Variants in CMSS1 observed in about 807,000 individuals in gnomAD.
CMSS1 encodes protein CMSS1.
A neutral mutation model predicts 43.5 loss-of-function variants in CMSS1; 33 were observed. The ratio of observed to expected loss-of-function variants is 0.76; its 90% CI spans 0.57 to 1.01. The LOEUF (loss-of-function observed/expected upper bound fraction) is 1.01. Among genes scored for constraint, CMSS1 ranks in the 50% least tolerant of loss-of-function variants. The pLI is 0.00. For synonymous variants in CMSS1, 115 were observed against 117.2 expected (o/e 0.98, Z 0.12); for missense variants, 313 against 326.4 (o/e 0.96, Z 0.32).
At chr3:99,913,058 C>A (rs561149872) in intron 1 of CMSS1, among the ~76,000 whole-genome samples, 10 of 152,058 alleles carry the variant, frequency 6.6e-5, no homozygotes, top group Non-Finnish European at 8.8e-5. Context: ...ACTTTCTCAC[C>A]CACTTTCCAC....
At chr3:99,944,262 C>G (rs182934874) in intron 1 of CMSS1, among the ~76,000 whole-genome samples, 3 of 152,240 alleles carry the variant, frequency 2.0e-5, no homozygotes, top group Admixed American at 2.0e-4. Flanking sequence ...TGGCCAAGAA[C>G]CAGTGCTTGT....
At chr3:100,068,440 T>C (rs2065704917) in intron 1 of CMSS1, among the ~76,000 whole-genome samples, 1 of 152,148 alleles carries the variant, frequency 6.6e-6, no homozygotes, top group South Asian at 2.1e-4. Context: ...AAACATCATC[T>C]GAACTAACAC....
intron 1 of CMSS1, among the ~76,000 whole-genome samples, chr3:99,981,769 G>A (rs990507251): frequency 1.4e-4 from 22 of 152,128 alleles, no homozygotes; most frequent in African/African-American, 5.3e-4. Flanking sequence ...CCCAAAAGAG[G>A]AAGAAATATG....
At chr3:99,958,792 C>T (rs1422399978) in intron 1 of CMSS1, among the ~76,000 whole-genome samples, 1 of 152,118 alleles carries the variant, frequency 6.6e-6, no homozygotes, top group Non-Finnish European at 1.5e-5. Flanking sequence ...TGTAGTGGAA[C>T]AGGCAGAGAA....
chr3:100,028,507 C>T (rs536324196), intron 1 of CMSS1, among the ~76,000 whole-genome samples: 9 of 152,148 alleles, frequency 5.9e-5, no homozygotes, highest in Non-Finnish European at 1.2e-4. Context: ...ATTTAATTCA[C>T]GTTGGAGAAT....
chr3:100,170,592 C>G (rs2067102235), intron 6 of CMSS1, among the ~76,000 whole-genome samples: 1 of 152,190 alleles, frequency 6.6e-6, no homozygotes. Flanking sequence ...TAGTTTTCCC[C>G]TCTGTGACAT....
At chr3:99,900,815 C>T (rs559083377) in intron 1 of CMSS1, among the ~76,000 whole-genome samples, 3 of 152,226 alleles carry the variant, frequency 2.0e-5, no homozygotes, top group Admixed American at 2.0e-4. Flanking sequence ...TTGATGTGCC[C>T]CGGTTATCAG....
chr3:99,935,190 G>A (rs1707622264), intron 1 of CMSS1, among the ~76,000 whole-genome samples: 1 of 151,580 alleles, frequency 6.6e-6, no homozygotes, highest in Non-Finnish European at 1.5e-5. Flanking sequence ...ATGCATCTGT[G>A]CTTGGCCCAG....
intron 1 of CMSS1, chr3:100,114,837 A>G (rs2066543636): frequency 1.5e-6 from 1 of 683,690 alleles, no homozygotes; most frequent in East Asian, 2.9e-5. Context: ...CAAGGGCATG[A>G]CCCCTTCTTT....
chr3:100,047,563 C>T (rs1393566523), intron 1 of CMSS1, among the ~76,000 whole-genome samples: 1 of 152,200 alleles, frequency 6.6e-6, no homozygotes, highest in Non-Finnish European at 1.5e-5. Context: ...AAATAAAACA[C>T]TGGTATTACC....
At chr3:99,937,730 T>C (rs1248448393) in intron 1 of CMSS1, among the ~76,000 whole-genome samples, 1 of 152,152 alleles carries the variant, frequency 6.6e-6, no homozygotes, top group African/African-American at 2.4e-5. Context: ...GCTGGTTGGC[T>C]CTGAATAGGA....
At chr3:100,079,068 A>G (rs1467241717) in intron 1 of CMSS1, among the ~76,000 whole-genome samples, 4 of 152,174 alleles carry the variant, frequency 2.6e-5, no homozygotes, top group Non-Finnish European at 5.9e-5. Flanking sequence ...GACCTCTGCA[A>G]TAGCATTCAG....
intron 1 of CMSS1, chr3:99,850,721 G>T (rs754226178): frequency 6.2e-7 from 1 of 1,614,174 alleles, no homozygotes; most frequent in Non-Finnish European, 8.5e-7. Context: ...TGGCGATTTT[G>T]ACTGTCCTCA....
At chr3:100,109,395 C>T (rs1367244983) in intron 1 of CMSS1, among the ~76,000 whole-genome samples, 1 of 152,116 alleles carries the variant, frequency 6.6e-6, no homozygotes, top group African/African-American at 2.4e-5. Flanking sequence ...TTGACAAGCT[C>T]ATGCAATCAT....
intron 1 of CMSS1, among the ~76,000 whole-genome samples, chr3:100,143,009 G>A (rs1455194714): frequency 6.6e-6 from 1 of 152,138 alleles, no homozygotes; most frequent in African/African-American, 2.4e-5. Flanking sequence ...ACAAGGTACA[G>A]GCTACCAACA....
intron 1 of CMSS1, among the ~76,000 whole-genome samples, chr3:99,868,284 GT>G (rs1944619901): frequency 6.6e-6 from 1 of 152,192 alleles, no homozygotes; most frequent in Non-Finnish European, 1.5e-5. Flanking sequence ...TCCTTACAGA[GT>G]GGCTAAGGTT....
chr3:99,926,988 T>C (rs1278828434), intron 1 of CMSS1, among the ~76,000 whole-genome samples: 1 of 152,192 alleles, frequency 6.6e-6, no homozygotes, highest in African/African-American at 2.4e-5. Context: ...TCCACTCTCC[T>C]GTTCGGGGCC....
intron 1 of CMSS1, among the ~76,000 whole-genome samples, chr3:100,042,585 G>GGT: frequency 6.6e-6 from 1 of 152,158 alleles, no homozygotes; most frequent in South Asian, 2.1e-4. Flanking sequence ...GTATGGTTCA[G>GGT]ACATTGTTAA....
rs1036782596 is a variant in CMSS1, at chr3:100,006,938, A to T, written c.65-140035A>T. Among the ~76,000 whole-genome samples, 3 of 152,340 alleles carry T rather than the reference A, an allele frequency of 2.0e-5. No individual in the cohort carries two copies. In the East Asian group the frequency reaches 5.8e-4, roughly 29 times the overall value. On this transcript the variant is annotated intron_variant, in intron 1 of 9. Transcript: ENST00000421999. ...GGATAAAAAATAACTTGTTTTAAAA[A>T]GTGTTTTTGTTTGGTTTTGTTCTGT...
Sources: gnomAD v4.1 joint callset for allele counts (sites outside exome capture counted in the v4.1 genomes callset) on GRCh38, gnomAD v4.1.1 for gene constraint, MANE v1.5 for transcripts, NCBI Gene and HGNC (gene_info 2026-07-23, HGNC 2026-07-21) for gene names.